OSBPL6: variants seen among roughly 807,000 people sequenced by gnomAD.
OSBPL6 encodes the protein oxysterol binding protein like 6.
In OSBPL6, 49 loss-of-function variants were observed where a neutral mutation model predicts 125.8. That is an observed-to-expected ratio of 0.39 (90% CI 0.31 to 0.49). The LOEUF (loss-of-function observed/expected upper bound fraction) is 0.49, where lower values mean the gene tolerates loss of function less well. Among genes scored for constraint, OSBPL6 ranks in the 20% least tolerant of loss-of-function variants. OSBPL6 has a pLI of 0.88. For synonymous variants in OSBPL6, 394 were observed against 391.8 expected (o/e 1.01, Z -0.07); for missense variants, 986 against 1,135.4 (o/e 0.87, Z 1.89).
chr2:178,219,327 A>C (rs1029741619), intron 1 of OSBPL6, among the ~76,000 whole-genome samples: 3 of 152,218 alleles, frequency 2.0e-5, no homozygotes, highest in Non-Finnish European at 4.4e-5. Flanking sequence ...ATGGAAGCAC[A>C]GAAGCAGTAC....
chr2:178,311,328 T>C (rs1038932230), intron 3 of OSBPL6, among the ~76,000 whole-genome samples: 1 of 152,154 alleles, frequency 6.6e-6, no homozygotes, highest in Non-Finnish European at 1.5e-5. Flanking sequence ...TATACCCTCC[T>C]TGGGCAGCCT....
intron 11 of OSBPL6, chr2:178,344,375 A>G (rs1350405241): frequency 2.5e-6 from 4 of 1,612,674 alleles, no homozygotes; most frequent in East Asian, 2.2e-5. Flanking sequence ...GTGGATTTCA[A>G]TCTCAAGTGG....
intron 13 of OSBPL6, among the ~76,000 whole-genome samples, chr2:178,371,629 T>C (rs1422372252): frequency 6.6e-6 from 1 of 152,222 alleles, no homozygotes; most frequent in East Asian, 1.9e-4. Flanking sequence ...AGATGTTTTC[T>C]TTAAACACAC....
intron 1 of OSBPL6, among the ~76,000 whole-genome samples, chr2:178,249,222 G>T (rs1447054539): frequency 2.6e-5 from 4 of 152,194 alleles, no homozygotes; most frequent in African/African-American, 9.6e-5. Context: ...TTACAGGTGT[G>T]AGTTACCATG....
At chr2:178,323,258 A>C (rs1407275595) in intron 3 of OSBPL6, among the ~76,000 whole-genome samples, 1 of 152,226 alleles carries the variant, frequency 6.6e-6, no homozygotes, top group African/African-American at 2.4e-5. Flanking sequence ...AATACTTCTA[A>C]GTTAGAACAT....
intron 1 of OSBPL6, among the ~76,000 whole-genome samples, chr2:178,212,042 A>G (rs1254005696): frequency 2.6e-5 from 4 of 152,136 alleles, no homozygotes; most frequent in South Asian, 2.1e-4. Context: ...AAAAAATGTC[A>G]TCATCAAATA....
intron 19 of OSBPL6, among the ~76,000 whole-genome samples, chr2:178,386,816 A>G (rs879436685): frequency 6.7e-6 from 1 of 150,228 alleles, no homozygotes; most frequent in African/African-American, 2.4e-5. Flanking sequence ...AGCATATGTT[A>G]TAGAGAAACA....
chr2:178,326,205 CCA>C (rs1046444989), intron 4 of OSBPL6, among the ~76,000 whole-genome samples: 6 of 151,808 alleles, frequency 4.0e-5, no homozygotes, highest in Non-Finnish European at 8.8e-5. Context: ...TTTTATGTAC[CCA>C]CACACATGCA....
At chr2:178,237,524 G>A (rs556003781) in intron 1 of OSBPL6, among the ~76,000 whole-genome samples, 54 of 152,238 alleles carry the variant, frequency 3.5e-4, no homozygotes, top group African/African-American at 1.2e-3. Context: ...ACTCTTGTGA[G>A]ATGCTGATTT....
chr2:178,274,300 G>A (rs1003945865), intron 1 of OSBPL6, among the ~76,000 whole-genome samples: 5 of 150,130 alleles, frequency 3.3e-5, no homozygotes, highest in Admixed American at 2.6e-4. Flanking sequence ...TTATGTGGGC[G>A]AGGTCAATTT....
At chr2:178,197,953 A>T (rs1318729014) in intron 1 of OSBPL6, among the ~76,000 whole-genome samples, 1 of 152,216 alleles carries the variant, frequency 6.6e-6, no homozygotes, top group Non-Finnish European at 1.5e-5. Flanking sequence ...TCATGGAAGA[A>T]ATTTGCAAAA....
chr2:178,336,098 A>G (rs577059495), intron 8 of OSBPL6, among the ~76,000 whole-genome samples: 2 of 152,334 alleles, frequency 1.3e-5, no homozygotes, highest in Non-Finnish European at 2.9e-5. Context: ...TGAATGATGG[A>G]GATGGCAGTT....
At chr2:178,351,688 A>T (rs891175776) in intron 12 of OSBPL6, among the ~76,000 whole-genome samples, 1 of 152,266 alleles carries the variant, frequency 6.6e-6, no homozygotes, top group African/African-American at 2.4e-5. Flanking sequence ...CGTGTTTTGC[A>T]TGAACATGGA....
At chr2:178,361,602 A>G (rs1234998255) in intron 12 of OSBPL6, 80 bp from the exon 13 acceptor site, 1 of 1,534,550 alleles carries the variant, frequency 6.5e-7, no homozygotes, top group African/African-American at 1.4e-5. Flanking sequence ...TTTGTGAGTG[A>G]AAGTCTGGAG....
Position 178,379,467 on chromosome 2 carries a change from G to A in OSBPL6, c.1534-2953G>A, listed in dbSNP as rs1694263881. On this transcript the variant is annotated intron_variant, in intron 15 of 24. Transcript: ENST00000190611. ...AGAAAAGGAAGGAAGGAGGGAAGGAGAAAAAAAGAAACAGAAAAGGAAAGA... is the reference window on the plus strand; with the variant it reads ...AGAAAAGGAAGGAAGGAGGGAAGGAAAAAAAAAGAAACAGAAAAGGAAAGA... Among the ~76,000 whole-genome samples, 2 of 147,190 alleles carry A rather than the reference G, an allele frequency of 1.4e-5. 1 individual carries two copies. Among genetic ancestry groups the A allele is most frequent in the South Asian group, 4.3e-4 (2 of 4,630 alleles).
At chr2:178,340,491 AAAGT>A (rs1366765328) in intron 11 of OSBPL6, among the ~76,000 whole-genome samples, 2 of 152,214 alleles carry the variant, frequency 1.3e-5, no homozygotes, top group South Asian at 2.1e-4. Flanking sequence ...TAATGTTCTT[AAAGT>A]AAGATCCTTT....
chr2:178,304,626 C>T (rs183295545), intron 2 of OSBPL6, among the ~76,000 whole-genome samples: 38 of 152,274 alleles, frequency 2.5e-4, no homozygotes, highest in African/African-American at 8.9e-4. Context: ...ACAAGGGCTC[C>T]ACCCTCATGA....
intron 3 of OSBPL6, among the ~76,000 whole-genome samples, chr2:178,321,355 C>G (rs1273428133): frequency 6.6e-6 from 1 of 152,106 alleles, no homozygotes; most frequent in Non-Finnish European, 1.5e-5. Flanking sequence ...AAGGAGCACT[C>G]AATCTAGCTA....
At chr2:178,332,600 C>T in intron 6 of OSBPL6, 41 bp from the exon 7 acceptor site, 1 of 1,416,376 alleles carries the variant, frequency 7.1e-7, no homozygotes, top group East Asian at 2.3e-5. Flanking sequence ...AACATCAAAT[C>T]ATATATCCTT....
Sources: gnomAD v4.1 joint callset for allele counts (sites outside exome capture counted in the v4.1 genomes callset) on GRCh38, gnomAD v4.1.1 for gene constraint, MANE v1.5 for transcripts, NCBI Gene and HGNC (gene_info 2026-07-23, HGNC 2026-07-21) for gene names.